The following CDH18 variants were observed in gnomAD, a reference collection of about 807,000 sequenced individuals.
The protein encoded by CDH18 is cadherin 18.
In CDH18, 31 loss-of-function variants were observed where a neutral mutation model predicts 67.9. The observed-to-expected ratio is 0.46, with a 90% CI of 0.34 to 0.62. CDH18 has a LOEUF of 0.62. Ranked by LOEUF, CDH18 falls within the 20% of genes least tolerant of loss-of-function variation. The probability of loss-of-function intolerance (pLI) is 0.01; values close to 1 mark genes in which losing one functional copy is unlikely to be tolerated. For missense variants in CDH18, 890 were observed against 975.5 expected, an observed-to-expected ratio of 0.91 and a Z score of 1.17; for synonymous variants, 362 against 347.2, an observed-to-expected ratio of 1.04 and a Z score of -0.48.
intron 1 of CDH18, among the ~76,000 whole-genome samples, chr5:20,405,996 G>T (rs1181468764): frequency 9.9e-5 from 15 of 152,194 alleles, no homozygotes; most frequent in South Asian, 8.3e-4. Context: ...GACTGTAAAC[G>T]AGTTCAACCA....
intron 2 of CDH18, among the ~76,000 whole-genome samples, chr5:19,873,175 A>G (rs1428545695): frequency 2.0e-5 from 3 of 151,214 alleles, no homozygotes; most frequent in African/African-American, 7.3e-5. Flanking sequence ...GATGCAGAGG[A>G]CTTTGAAATT....
At chr5:20,211,316 A>G (rs1191518068) in intron 2 of CDH18, among the ~76,000 whole-genome samples, 1 of 152,130 alleles carries the variant, frequency 6.6e-6, no homozygotes, top group Non-Finnish European at 1.5e-5. Flanking sequence ...CTCTGGGGGT[A>G]GGACATAGCT....
chr5:19,848,490 G>A (rs142536575), intron 2 of CDH18, among the ~76,000 whole-genome samples: 23 of 152,242 alleles, frequency 1.5e-4, no homozygotes, highest in African/African-American at 5.1e-4. Context: ...ATTGGTCCAT[G>A]TATTGTTGAA....
chr5:19,640,052 C>T (rs910837779), intron 5 of CDH18, among the ~76,000 whole-genome samples: 5 of 152,102 alleles, frequency 3.3e-5, no homozygotes, highest in Non-Finnish European at 5.9e-5. Context: ...AATAAAGACT[C>T]TTTGAGACAA....
intron 1 of CDH18, among the ~76,000 whole-genome samples, chr5:20,534,066 G>T (rs759832951): frequency 1.5e-4 from 23 of 151,880 alleles, no homozygotes; most frequent in Non-Finnish European, 3.2e-4. Context: ...AAAGTGTCTT[G>T]AATATATGAA....
chr5:20,500,073 A>G (rs1754161618), intron 1 of CDH18, among the ~76,000 whole-genome samples: 1 of 152,048 alleles, frequency 6.6e-6, no homozygotes, highest in Admixed American at 6.6e-5. Context: ...CCGGCCTTAA[A>G]CTCATGTCAC....
intron 2 of CDH18, among the ~76,000 whole-genome samples, chr5:19,897,841 A>C (rs1287537711): frequency 6.6e-6 from 1 of 152,098 alleles, no homozygotes; most frequent in African/African-American, 2.4e-5. Flanking sequence ...AAAATCTGGT[A>C]AATTAATCTA....
At position 19,841,844 on chromosome 5, in the gene CDH18, A is replaced by C. The variant is rs145425458; in HGVS notation, c.-256-2602T>G. Among the ~76,000 whole-genome samples, 851 of 152,310 alleles carry C rather than the reference A, an allele frequency of 5.6e-3. 7 individuals carry two copies. The highest frequency in any genetic ancestry group is 0.02 in the African/African-American group (826 of 41,582). On this transcript the variant is annotated intron_variant, in intron 2 of 12. Transcript: ENST00000382275. ...AGTCATTCCAAAAATATATAAATGCATTTTGATCTACATATGCTTTATATG... is the reference window on the plus strand; with the variant it reads ...AGTCATTCCAAAAATATATAAATGCCTTTTGATCTACATATGCTTTATATG...
intron 2 of CDH18, among the ~76,000 whole-genome samples, chr5:19,972,578 C>CT (rs11376033): frequency 0.6 from 91,159 of 151,050 alleles, 27,847 homozygotes; most frequent in Middle Eastern, 0.73. Context: ...AAAAATATAG[C>CT]AGGGGAATAA....
chr5:20,331,002 A>G (rs1403034021), intron 1 of CDH18, among the ~76,000 whole-genome samples: 1 of 152,222 alleles, frequency 6.6e-6, no homozygotes, highest in Non-Finnish European at 1.5e-5. Context: ...GCTACTGGTA[A>G]CACATTCAGA....
chr5:19,621,375 C>T (rs1277674957), intron 5 of CDH18, among the ~76,000 whole-genome samples: 1 of 152,028 alleles, frequency 6.6e-6, no homozygotes, highest in Non-Finnish European at 1.5e-5. Flanking sequence ...GATAGCCATC[C>T]TAGCTAGTAT....
chr5:20,095,357 AAGAAAAGAC>A (rs1745826391), intron 2 of CDH18, among the ~76,000 whole-genome samples: 9 of 144,586 alleles, frequency 6.2e-5, no homozygotes, highest in Middle Eastern at 3.5e-3. Context: ...GAAAGAAAGA[AAGAAAAGAC>A]AGAAGAAAGA....
At chr5:19,598,096 TA>T (rs1746462638) in intron 6 of CDH18, among the ~76,000 whole-genome samples, 1 of 152,152 alleles carries the variant, frequency 6.6e-6, no homozygotes, top group African/African-American at 2.4e-5. Flanking sequence ...GCTACAGCTA[TA>T]AAAAAGGCCC....
intron 5 of CDH18, among the ~76,000 whole-genome samples, chr5:19,690,624 CA>C (rs144038598): frequency 6.6e-6 from 1 of 150,898 alleles, no homozygotes; most frequent in Admixed American, 6.6e-5. Context: ...CACAGAAATA[CA>C]AAAAAAATCA....
chr5:20,496,016 T>A (rs1753884990), intron 1 of CDH18, among the ~76,000 whole-genome samples: 1 of 151,260 alleles, frequency 6.6e-6, no homozygotes, highest in Non-Finnish European at 1.5e-5. Context: ...ACAAAAGAGA[T>A]CCAAGTGTGG....
intron 3 of CDH18, among the ~76,000 whole-genome samples, chr5:19,752,153 G>A (rs1770929309): frequency 6.6e-6 from 1 of 152,116 alleles, no homozygotes; most frequent in Non-Finnish European, 1.5e-5. Context: ...AAAATACAGG[G>A]GTAGAGGAAG....
At chr5:20,230,660 A>G (rs1450676847) in intron 2 of CDH18, among the ~76,000 whole-genome samples, 3 of 151,828 alleles carry the variant, frequency 2.0e-5, no homozygotes, top group Admixed American at 6.6e-5. Flanking sequence ...CATCATCATC[A>G]TGATTCTTTG....
At chr5:19,833,062 A>G (rs1334635946) in intron 3 of CDH18, among the ~76,000 whole-genome samples, 2 of 152,126 alleles carry the variant, frequency 1.3e-5, no homozygotes, top group African/African-American at 4.8e-5. Flanking sequence ...TTTTGTGAAG[A>G]ATGTCAATGG....
At chr5:19,734,171 T>G (rs1221375393) in intron 4 of CDH18, among the ~76,000 whole-genome samples, 1 of 152,058 alleles carries the variant, frequency 6.6e-6, no homozygotes, top group Non-Finnish European at 1.5e-5. Flanking sequence ...TCCAAAAAAA[T>G]GAAACAAAAA....
Sources: allele counts gnomAD v4.1 joint callset (sites outside exome capture counted in the v4.1 genomes callset), GRCh38; gene constraint gnomAD v4.1.1; transcripts MANE v1.5; gene names NCBI Gene and HGNC (gene_info 2026-07-23, HGNC 2026-07-21).